Variants in GLRA3 observed in about 807,000 individuals in gnomAD.
GLRA3 encodes the protein glycine receptor alpha 3.
Under a neutral mutation model 60.4 loss-of-function variants are expected in GLRA3, and 44 were observed. The ratio of observed to expected loss-of-function variants is 0.73; its 90% CI spans 0.57 to 0.94. The LOEUF is 0.94. GLRA3 is among the 40% of genes least tolerant of loss of function. The probability of loss-of-function intolerance (pLI) is 0.00; values close to 1 mark genes in which losing one functional copy is unlikely to be tolerated. For missense variants in GLRA3, 508 were observed against 564.6 expected, an observed-to-expected ratio of 0.90 and a Z score of 1.02; for synonymous variants, 223 against 192.9, an observed-to-expected ratio of 1.16 and a Z score of -1.29.
At chr4:174,797,371 G>A (rs1264473551) in intron 1 of GLRA3, among the ~76,000 whole-genome samples, 1 of 152,110 alleles carries the variant, frequency 6.6e-6, no homozygotes, top group Non-Finnish European at 1.5e-5. Context: ...AAAATCTGTG[G>A]TAATTAGCTT....
chr4:174,735,170 TA>T (rs74319122), intron 3 of GLRA3, among the ~76,000 whole-genome samples: 42,242 of 149,610 alleles, frequency 0.28, 6,060 homozygotes, highest in African/African-American at 0.34. Context: ...TTTTCAGCCT[TA>T]AAAAAAAAAG....
At position 174,724,041 on chromosome 4, in the gene GLRA3, T is replaced by C. The variant is rs1315217612; in HGVS notation, c.491+4434A>G. Among the ~76,000 whole-genome samples the C allele has an allele frequency of 2.7e-4, 36 of 131,532 alleles. No individual in the cohort carries two copies. The Admixed American group carries it at 2.8e-3, about 10-fold the overall frequency. 86.3% of individuals were successfully genotyped at this position (131,532 alleles called of 152,430 possible). A position where few individuals can be genotyped will look rare whatever the true frequency, so the allele number is the denominator to read the frequency against. ...ATTTTTACATACATAGCTATGCATA[T>C]ATATATTTGTGTGTGTGTGTGTATA... On this transcript the variant is annotated intron_variant, in intron 4 of 9. Transcript: ENST00000274093.
intron 4 of GLRA3, among the ~76,000 whole-genome samples, chr4:174,720,227 G>T (rs1162404714): frequency 1.3e-5 from 2 of 152,206 alleles, no homozygotes; most frequent in Middle Eastern, 3.4e-3. Context: ...CTGTGGTAAA[G>T]ATATTACTAT....
intron 7 of GLRA3, among the ~76,000 whole-genome samples, chr4:174,667,415 A>G (rs1022352699): frequency 6.6e-6 from 1 of 152,186 alleles, no homozygotes; most frequent in Admixed American, 6.6e-5. Context: ...AATAGCACAT[A>G]AAGGCAGCTT....
chr4:174,657,871 C>T (rs1437319729), intron 8 of GLRA3, among the ~76,000 whole-genome samples: 2 of 152,040 alleles, frequency 1.3e-5, no homozygotes, highest in African/African-American at 2.4e-5. Context: ...CTAAATCTCC[C>T]GATGCTGAAT....
At chr4:174,662,223 T>C (rs1222177841) in intron 7 of GLRA3, among the ~76,000 whole-genome samples, 1 of 152,192 alleles carries the variant, frequency 6.6e-6, no homozygotes, top group Non-Finnish European at 1.5e-5. Context: ...ATATAGCCAA[T>C]TAGATGTGTA....
chr4:174,675,976 CAAA>C (rs1190217039), intron 7 of GLRA3, among the ~76,000 whole-genome samples: 1 of 151,728 alleles, frequency 6.6e-6, no homozygotes, highest in South Asian at 2.1e-4. Flanking sequence ...CAAATGCACA[CAAA>C]AAAAGTTAAT....
chr4:174,702,537 G>A (rs1413366912), intron 5 of GLRA3, among the ~76,000 whole-genome samples: 1 of 151,576 alleles, frequency 6.6e-6, no homozygotes, highest in Non-Finnish European at 1.5e-5. Context: ...GATACTATTG[G>A]TGAGTTAGAA....
At chr4:174,737,802 G>A (rs1736865322) in intron 3 of GLRA3, among the ~76,000 whole-genome samples, 1 of 152,130 alleles carries the variant, frequency 6.6e-6, no homozygotes, top group African/African-American at 2.4e-5. Context: ...GTGAGCCACG[G>A]TGCCCAGCCA....
At chr4:174,786,262 G>C (rs1739126125) in intron 2 of GLRA3, among the ~76,000 whole-genome samples, 1 of 151,890 alleles carries the variant, frequency 6.6e-6, no homozygotes, top group Admixed American at 6.6e-5. Context: ...GTGGGGAAAG[G>C]CACAAAATCA....
intron 9 of GLRA3, among the ~76,000 whole-genome samples, chr4:174,653,911 A>G (rs950914140): frequency 6.6e-6 from 1 of 152,152 alleles, no homozygotes; most frequent in African/African-American, 2.4e-5. Flanking sequence ...CGTTTAACAT[A>G]AACTAAATAT....
At chr4:174,718,820 A>G (rs1287921338) in intron 4 of GLRA3, among the ~76,000 whole-genome samples, 1 of 152,210 alleles carries the variant, frequency 6.6e-6, no homozygotes, top group African/African-American at 2.4e-5. Flanking sequence ...CGTACTACAA[A>G]TTTACAAGAA....
chr4:174,719,528 T>C (rs545584781), intron 4 of GLRA3, among the ~76,000 whole-genome samples: 5 of 152,240 alleles, frequency 3.3e-5, no homozygotes, highest in African/African-American at 1.2e-4. Flanking sequence ...AGTTAAACTG[T>C]AGAAAATATA....
At chr4:174,801,941 C>CA (rs1739829185) in intron 1 of GLRA3, among the ~76,000 whole-genome samples, 1 of 151,880 alleles carries the variant, frequency 6.6e-6, no homozygotes, top group African/African-American at 2.4e-5. Flanking sequence ...ACTATTTAAG[C>CA]AAAAATTGTC....
chr4:174,751,581 A>G (rs1275531986), intron 3 of GLRA3, among the ~76,000 whole-genome samples: 1 of 152,168 alleles, frequency 6.6e-6, no homozygotes, highest in Non-Finnish European at 1.5e-5. Flanking sequence ...TTTTGCAAAT[A>G]GGTAGGGGCA....
chr4:174,810,193 A>G (rs972504936), intron 1 of GLRA3, among the ~76,000 whole-genome samples: 3 of 152,138 alleles, frequency 2.0e-5, no homozygotes, highest in Non-Finnish European at 4.4e-5. Flanking sequence ...GCTATTTTGG[A>G]AGAAAGGAGC....
intron 5 of GLRA3, among the ~76,000 whole-genome samples, chr4:174,694,106 C>T (rs1261621360): frequency 6.6e-6 from 1 of 152,082 alleles, no homozygotes; most frequent in Admixed American, 6.6e-5. Context: ...TAGAGACCTA[C>T]AAAGAGAAAC....
At position 174,728,713 on chromosome 4, in the gene GLRA3, T is replaced by C; in HGVS notation, c.268-15A>G. The C allele has an allele frequency of 7.1e-7, 1 of 1,399,926 alleles. No individual in the cohort carries two copies. The highest frequency in any genetic ancestry group is 9.7e-7 in the Non-Finnish European group (1 of 1,032,022). The allele number at this position is 1,399,926 out of a possible 1,614,324, so 86.7% of individuals were successfully genotyped here. A position where few individuals can be genotyped will look rare whatever the true frequency, so the allele number is the denominator to read the frequency against. ...ACTCTGTAATCCTATGATAAAATAA[T>C]GAAAGAAAGAAAAAAAAAAACCCTG... is the stretch of plus-strand genomic sequence containing the variant. On this transcript the variant is annotated splice_polypyrimidine_tract_variant and intron_variant, in intron 3 of 9. Coordinates refer to ENST00000274093, the MANE Select transcript of GLRA3 (RefSeq NM_006529.4).
chr4:174,765,477 A>C (rs924279351), intron 3 of GLRA3, among the ~76,000 whole-genome samples: 1 of 152,074 alleles, frequency 6.6e-6, no homozygotes, highest in African/African-American at 2.4e-5. Context: ...GTATATTTCC[A>C]GGTTTTTAGG....
Sources: allele counts gnomAD v4.1 joint callset (sites outside exome capture counted in the v4.1 genomes callset), GRCh38; gene constraint gnomAD v4.1.1; transcripts MANE v1.5; gene names NCBI Gene and HGNC (gene_info 2026-07-23, HGNC 2026-07-21).